NKD1: variants seen among roughly 807,000 people sequenced by gnomAD.
NKD1 encodes protein naked cuticle homolog 1.
NKD1 carries 21 observed loss-of-function variants against 56.0 expected under a neutral mutation model. The observed-to-expected ratio is 0.38, with a 90% confidence interval of 0.27 to 0.54. The LOEUF is 0.54. Among genes scored for constraint, NKD1 ranks in the 20% least tolerant of loss-of-function variants. The pLI is 0.82. For missense variants in NKD1, 578 were observed against 642.7 expected, an observed-to-expected ratio of 0.90 and a Z score of 1.09; for synonymous variants, 263 against 265.7, an observed-to-expected ratio of 0.99 and a Z score of 0.10.
intron 5 of NKD1, among the ~76,000 whole-genome samples, chr16:50,622,810 C>G (rs1195895286): frequency 6.6e-6 from 1 of 151,646 alleles, no homozygotes; most frequent in African/African-American, 2.4e-5. Flanking sequence ...TTCCTGCCGT[C>G]AAGGAGTGCA....
chr16:50,559,207 G>A (rs1960569872), intron 3 of NKD1, among the ~76,000 whole-genome samples: 1 of 152,206 alleles, frequency 6.6e-6, no homozygotes, highest in Non-Finnish European at 1.5e-5. Flanking sequence ...AAAGAATAAA[G>A]GAGATGTCAC....
chr16:50,609,588 G>A (rs1484147783), intron 4 of NKD1, among the ~76,000 whole-genome samples: 1 of 152,194 alleles, frequency 6.6e-6, no homozygotes, highest in East Asian at 1.9e-4. Context: ...CCAGACCTGA[G>A]GACCGTGGCC....
chr16:50,550,305 G>A (rs1308938470), intron 3 of NKD1, among the ~76,000 whole-genome samples: 3 of 152,084 alleles, frequency 2.0e-5, no homozygotes, highest in Admixed American at 2.0e-4. Flanking sequence ...CGTGGAACTC[G>A]CGCAAGCCTA....
Position 50,608,442 on chromosome 16 carries a change from C to A in NKD1, c.259+82C>A, listed in dbSNP as rs1596739114. 4.0e-6 allele frequency: 4 copies of A among 1,005,762 alleles called. No individual in the cohort carries two copies. The East Asian group carries it at 9.5e-5, about 24-fold the overall frequency. 62.3% of individuals were successfully genotyped at this position (1,005,762 alleles called of 1,614,324 possible). A position where few individuals can be genotyped will look rare whatever the true frequency, so the allele number is the denominator to read the frequency against. ...CAGCTGGCCGTGTGCCCTGTGTACT[C>A]CAGAAAATCTGCAGATGGAGGGCAC... is the stretch of plus-strand genomic sequence containing the variant. On this transcript the variant is annotated intron_variant, in intron 4 of 9. Transcript: ENST00000268459.
At chr16:50,581,321 T>A (rs560342617) in intron 3 of NKD1, among the ~76,000 whole-genome samples, 2 of 152,364 alleles carry the variant, frequency 1.3e-5, no homozygotes, top group South Asian at 2.1e-4. Context: ...ACTGTCTTAA[T>A]GTGCATTGTG....
intron 3 of NKD1, among the ~76,000 whole-genome samples, chr16:50,581,966 T>C (rs1255567577): frequency 6.6e-6 from 1 of 152,180 alleles, no homozygotes; most frequent in Non-Finnish European, 1.5e-5. Flanking sequence ...GATTGGTTGT[T>C]TGGGGCTGCT....
At chr16:50,557,276 G>GCTGC (rs1229422756) in intron 3 of NKD1, 4 of 152,222 alleles carry the variant, frequency 2.6e-5, no homozygotes, top group Non-Finnish European at 1.5e-5. Flanking sequence ...CATCTGGGGT[G>GCTGC]TTTTTCATTC....
At position 50,556,415 on chromosome 16, in the gene NKD1, T is replaced by A. The variant is rs1030241170; in HGVS notation, c.192+6860T>A. 8 of 152,372 alleles carry A rather than the reference T, an allele frequency of 5.3e-5. No individual in the cohort carries two copies. The East Asian group carries it at 5.8e-4, about 11-fold the overall frequency. 9.4% of individuals were successfully genotyped at this position (152,372 alleles called of 1,614,324 possible). A position where few individuals can be genotyped will look rare whatever the true frequency, so the allele number is the denominator to read the frequency against. ...GGAGGAAAGCCTCAGGTCTCCGCACTGAAGTCATCCCCAGCCTCAGAGCGG... is the reference window on the plus strand; with the variant it reads ...GGAGGAAAGCCTCAGGTCTCCGCACAGAAGTCATCCCCAGCCTCAGAGCGG... On this transcript the variant is annotated intron_variant, in intron 3 of 9. Coordinates refer to ENST00000268459, the MANE Select transcript of NKD1 (RefSeq NM_033119.5).
intron 4 of NKD1, chr16:50,616,057 A>C (rs757012578): frequency 1.3e-5 from 6 of 455,812 alleles, no homozygotes; most frequent in South Asian, 9.3e-5. Context: ...AGCTGCTGTC[A>C]GAAGGTTGTG....
intron 3 of NKD1, among the ~76,000 whole-genome samples, chr16:50,550,189 G>A (rs1485559782): frequency 6.6e-6 from 1 of 151,986 alleles, no homozygotes; most frequent in Non-Finnish European, 1.5e-5. Flanking sequence ...GGAGCACTAA[G>A]TGTGATGGGA....
At chr16:50,617,916 A>C (rs1039851036) in intron 4 of NKD1, among the ~76,000 whole-genome samples, 1 of 152,200 alleles carries the variant, frequency 6.6e-6, no homozygotes, top group African/African-American at 2.4e-5. Context: ...TTTTTCATGA[A>C]GGGCCGGATA....
At chr16:50,557,154 A>T (rs1051846170) in intron 3 of NKD1, 1 of 152,210 alleles carries the variant, frequency 6.6e-6, no homozygotes, top group Non-Finnish European at 1.5e-5. Flanking sequence ...GGAACTTACC[A>T]TCTTGTAGGA....
chr16:50,616,016 A>G, intron 4 of NKD1: 2 of 450,630 alleles, frequency 4.4e-6, no homozygotes, highest in Non-Finnish European at 9.0e-6. Context: ...GGCAGAGGCT[A>G]ATATTAAAAT....
intron 3 of NKD1, among the ~76,000 whole-genome samples, chr16:50,562,712 ACCCT>A (rs1960661005): frequency 1.3e-5 from 2 of 152,012 alleles, no homozygotes; most frequent in South Asian, 4.2e-4. Flanking sequence ...GGCCGACTGG[ACCCT>A]GAAGGAAAGG....
At chr16:50,601,998 C>T (rs1961607512) in intron 3 of NKD1, among the ~76,000 whole-genome samples, 1 of 152,218 alleles carries the variant, frequency 6.6e-6, no homozygotes. Flanking sequence ...GCCCTCTTTC[C>T]ATCTCTCTGC....
intron 6 of NKD1, among the ~76,000 whole-genome samples, chr16:50,626,853 G>A (rs8046845): frequency 0.6 from 91,210 of 152,014 alleles, 28,201 homozygotes; most frequent in Non-Finnish European, 0.67. Context: ...GCACGTCTGG[G>A]CTCCACTTGC....
At chr16:50,578,658 G>A (rs1247233156) in intron 3 of NKD1, among the ~76,000 whole-genome samples, 1 of 152,184 alleles carries the variant, frequency 6.6e-6, no homozygotes, top group Non-Finnish European at 1.5e-5. Flanking sequence ...GTGTCTGTCA[G>A]TCAGCTTCTG....
chr16:50,552,242 T>A (rs1960404398), intron 3 of NKD1: 1 of 152,274 alleles, frequency 6.6e-6, no homozygotes, highest in Non-Finnish European at 1.5e-5. Flanking sequence ...GCTTACATTA[T>A]CTTAATCCTC....
intron 3 of NKD1, among the ~76,000 whole-genome samples, chr16:50,565,364 T>G (rs1397876895): frequency 7.0e-6 from 1 of 142,026 alleles, no homozygotes; most frequent in African/African-American, 2.7e-5. Flanking sequence ...AGAGTGAGAC[T>G]CCGTCTCAAA....
Sources: allele counts gnomAD v4.1 joint callset (sites outside exome capture counted in the v4.1 genomes callset), GRCh38; gene constraint gnomAD v4.1.1; transcripts MANE v1.5; gene names NCBI Gene and HGNC (gene_info 2026-07-23, HGNC 2026-07-21).